Variants in AFG2A observed in about 807,000 individuals in gnomAD.
AFG2A encodes AAA ATPase AFG2A, also known as ATPase family gene 2 protein homolog A.
At chr4:122,966,478 G>T in the AFG2A span, among the ~76,000 whole-genome samples, 2 of 152,198 alleles carry the variant, frequency 1.3e-5, no homozygotes, top group African/African-American at 2.4e-5. Context: ...TCTCTAAAGT[G>T]CTATGCTCAT....
chr4:123,134,520 G>C, the AFG2A span, among the ~76,000 whole-genome samples: 28 of 150,346 alleles, frequency 1.9e-4, no homozygotes, highest in Admixed American at 6.6e-4. Context: ...TTTGTGTGAT[G>C]CTTCCAGCTT....
At chr4:123,018,078 G>A in the AFG2A span, among the ~76,000 whole-genome samples, 2 of 151,998 alleles carry the variant, frequency 1.3e-5, no homozygotes, top group African/African-American at 4.8e-5. Context: ...GCTTCTATGG[G>A]TGTACAGTTT....
the AFG2A span, among the ~76,000 whole-genome samples, chr4:123,180,225 A>AAAC: frequency 1.9e-4 from 29 of 152,242 alleles, no homozygotes; most frequent in East Asian, 2.5e-3. Flanking sequence ...GTCTCAGAAA[A>AAAC]AACAACAACA....
chr4:123,089,083 A>G, the AFG2A span, among the ~76,000 whole-genome samples: 3 of 152,342 alleles, frequency 2.0e-5, no homozygotes, highest in Middle Eastern at 3.4e-3. Flanking sequence ...GGAGAAGACC[A>G]TGTTAAATTA....
chr4:123,104,063 C>T, the AFG2A span, among the ~76,000 whole-genome samples: 1 of 152,022 alleles, frequency 6.6e-6, no homozygotes, highest in Non-Finnish European at 1.5e-5. Context: ...TACAGGGATA[C>T]CTCGTTATAT....
At chr4:123,030,976 G>A in the AFG2A span, among the ~76,000 whole-genome samples, 1 of 152,010 alleles carries the variant, frequency 6.6e-6, no homozygotes, top group Non-Finnish European at 1.5e-5. Flanking sequence ...TCTCCTATAG[G>A]TTTAAAATTT....
chr4:123,270,172 G>A, the AFG2A span, among the ~76,000 whole-genome samples: 4 of 152,160 alleles, frequency 2.6e-5, no homozygotes, highest in Admixed American at 6.5e-5. Flanking sequence ...ATAAAACTAA[G>A]AGATAGGGCT....
At chr4:123,310,985 A>G in the AFG2A span, among the ~76,000 whole-genome samples, 1 of 152,208 alleles carries the variant, frequency 6.6e-6, no homozygotes, top group Non-Finnish European at 1.5e-5. Flanking sequence ...AGTCACGTTC[A>G]TATTGAGGTC....
chr4:123,204,941 T>C, the AFG2A span, among the ~76,000 whole-genome samples: 1 of 152,174 alleles, frequency 6.6e-6, no homozygotes, highest in African/African-American at 2.4e-5. Flanking sequence ...ACAATGGAAA[T>C]TGGCAATCAC....
chr4:123,204,476 A>G, the AFG2A span, among the ~76,000 whole-genome samples: 1 of 151,972 alleles, frequency 6.6e-6, no homozygotes, highest in Non-Finnish European at 1.5e-5. Context: ...AACTTTTTTT[A>G]TGTGCTTCTT....
At chr4:123,263,831 A>G in the AFG2A span, among the ~76,000 whole-genome samples, 1 of 152,196 alleles carries the variant, frequency 6.6e-6, no homozygotes, top group African/African-American at 2.4e-5. Flanking sequence ...AAGTAGAACT[A>G]CCATTTGATC....
chr4:123,006,568 ATC>A, the AFG2A span, among the ~76,000 whole-genome samples: 1 of 151,830 alleles, frequency 6.6e-6, no homozygotes, highest in Admixed American at 6.6e-5. Flanking sequence ...GTTTTTGGTA[ATC>A]TCTATCTAGT....
At chr4:123,229,748 T>C in the AFG2A span, among the ~76,000 whole-genome samples, 165 of 152,068 alleles carry the variant, frequency 1.1e-3, no homozygotes, top group Non-Finnish European at 2.0e-3. Flanking sequence ...GATATCTTTA[T>C]TTGGATATAC....
chr4:123,108,223 G>A, the AFG2A span, among the ~76,000 whole-genome samples: 1 of 152,166 alleles, frequency 6.6e-6, no homozygotes, highest in African/African-American at 2.4e-5. Flanking sequence ...GTGCTGGAGA[G>A]ATTCTTAGAG....
chr4:123,277,889 G>A, the AFG2A span, among the ~76,000 whole-genome samples: 1 of 152,090 alleles, frequency 6.6e-6, no homozygotes, highest in Non-Finnish European at 1.5e-5. Flanking sequence ...ATTTTGTTGA[G>A]GATTTTTGTA....
the AFG2A span, among the ~76,000 whole-genome samples, chr4:123,028,869 C>T: frequency 6.6e-6 from 1 of 152,188 alleles, no homozygotes; most frequent in Non-Finnish European, 1.5e-5. Flanking sequence ...CTGAACCACA[C>T]ACACATTTTA....
chr4:122,985,832 C>A, the AFG2A span, among the ~76,000 whole-genome samples: 1,370 of 146,592 alleles, frequency 9.3e-3, 9 homozygotes, highest in Non-Finnish European at 0.014. Flanking sequence ...TCGGTTTGTT[C>A]TTGTTTCTCT....
At chr4:123,296,698 G>C in the AFG2A span, among the ~76,000 whole-genome samples, 153 of 152,306 alleles carry the variant, frequency 1.0e-3, 1 homozygote, top group African/African-American at 3.4e-3. Context: ...TAGCAGGCGA[G>C]TGATTTCACT....
chr4:123,229,733 T>G, the AFG2A span, among the ~76,000 whole-genome samples: 2 of 151,926 alleles, frequency 1.3e-5, no homozygotes, highest in Admixed American at 1.3e-4. Flanking sequence ...GAGAGAAAAT[T>G]ATTAGATATC....
Sources: allele counts gnomAD v4.1 joint callset (sites outside exome capture counted in the v4.1 genomes callset), GRCh38; gene constraint gnomAD v4.1.1; transcripts MANE v1.5; gene names NCBI Gene and HGNC (gene_info 2026-07-23, HGNC 2026-07-21).